The following HAPSTR2 variants were observed in gnomAD, a reference collection of about 807,000 sequenced individuals.
HAPSTR2 encodes the protein HUWE1 associated protein modifying stress responses 2, also known as HUWE1-associated protein modifying stress responses 2.
At chrX:140,092,322 C>T in the HAPSTR2 span, 1 of 754,539 alleles carries the variant, frequency 1.3e-6, no homozygotes. Context: ...GGCGATCGCC[C>T]TGCATGGCCT....
chrX:140,091,907 G>A, the HAPSTR2 span: 5 of 913,851 alleles, frequency 5.5e-6, no homozygotes, highest in Non-Finnish European at 6.8e-6. Flanking sequence ...AGAAGCAGAA[G>A]CTGTGGCACC....
At chrX:140,092,379 C>G in the HAPSTR2 span, 1 of 754,335 alleles carries the variant, frequency 1.3e-6, no homozygotes, top group Non-Finnish European at 1.6e-6. Flanking sequence ...CGACTCGCCT[C>G]AAGACAGCGG....
At chrX:140,091,891 A>G in the HAPSTR2 span, 2 of 932,138 alleles carry the variant, frequency 2.1e-6, no homozygotes, top group Non-Finnish European at 2.7e-6. Flanking sequence ...GCAGGGCTCA[A>G]GAGCGAGAAG....
the HAPSTR2 span, chrX:140,091,997 C>T: frequency 1.2e-6 from 1 of 825,809 alleles, no homozygotes. Context: ...CCATGTGGGA[C>T]CCCTTCCAGA....
At chrX:140,092,738 A>T in the HAPSTR2 span, among the ~76,000 whole-genome samples, 1 of 111,467 alleles carries the variant, frequency 9.0e-6, no homozygotes, top group Non-Finnish European at 1.9e-5. Context: ...GCTTCATATG[A>T]CTCTGACTTT....
Sources: allele counts gnomAD v4.1 joint callset (sites outside exome capture counted in the v4.1 genomes callset), GRCh38; gene constraint gnomAD v4.1.1; transcripts MANE v1.5; gene names NCBI Gene and HGNC (gene_info 2026-07-23, HGNC 2026-07-21).